The following TNFSF13B variants were observed in gnomAD, a reference collection of about 807,000 sequenced individuals.
TNFSF13B encodes the protein tumor necrosis factor ligand superfamily member 13B.
TNFSF13B carries 8 observed loss-of-function variants against 29.1 expected under a neutral mutation model. The ratio of observed to expected loss-of-function variants is 0.27; its 90% confidence interval spans 0.16 to 0.50. The LOEUF (loss-of-function observed/expected upper bound fraction) is 0.50. Ranked by LOEUF, TNFSF13B falls within the 20% of genes least tolerant of loss-of-function variation. The pLI is 0.98. For synonymous variants in TNFSF13B, 125 were observed against 130.8 expected (o/e 0.96, Z 0.30); for missense variants, 248 against 334.9 (o/e 0.74, Z 2.03).
intron 3 of TNFSF13B, among the ~76,000 whole-genome samples, chr13:108,288,022 G>A (rs1881193388): frequency 6.6e-6 from 1 of 152,144 alleles, no homozygotes; most frequent in Non-Finnish European, 1.5e-5. Flanking sequence ...AGGCACATTA[G>A]CAAGTTATTG....
rs577464265 is a variant in TNFSF13B at position 108,306,339 on chromosome 13, T to C, written c.746-487T>C. Among the ~76,000 whole-genome samples, 73 of 152,170 alleles carry C rather than the reference T, an allele frequency of 4.8e-4. 1 individual carries two copies. Among genetic ancestry groups the C allele is most frequent in the Admixed American group, 2.2e-3 (34 of 15,264 alleles). ...TTAATGAATGTGGTATGTTAAGAAA[T>C]GGTGTTTTCTTCAGTTTTTAATATT... On this transcript the variant is annotated intron_variant, in intron 5 of 5. Transcript: ENST00000375887.
At chr13:108,292,662 G>T (rs1177267499) in intron 3 of TNFSF13B, among the ~76,000 whole-genome samples, 1 of 151,916 alleles carries the variant, frequency 6.6e-6, no homozygotes, top group East Asian at 1.9e-4. Context: ...TTATTTATTT[G>T]CATTTTCCTT....
In TNFSF13B at chr13:108,269,812, CAACA is replaced by C; in HGVS notation, c.-79_-76del. Reference sequence around the variant, plus strand: ...CTGCCATGTAGTGCACGCAGGACATCAACAAACACAGATAACAGGAAATGATCCA... The same window carrying C: ...CTGCCATGTAGTGCACGCAGGACATCAACACAGATAACAGGAAATGATCCA... On this transcript the variant is annotated 5_prime_UTR_variant, in exon 1 of 6. Transcript: ENST00000375887. The C allele has an allele frequency of 7.6e-7, 1 of 1,322,026 alleles. No individual in the cohort carries two copies. Among genetic ancestry groups the C allele is most frequent in the Non-Finnish European group, 1.0e-6 (1 of 961,950 alleles). 81.9% of individuals were successfully genotyped at this position (1,322,026 alleles called of 1,614,324 possible).
chr13:108,292,856 TCTC>T (rs1479478380), intron 3 of TNFSF13B, among the ~76,000 whole-genome samples: 1 of 152,202 alleles, frequency 6.6e-6, no homozygotes, highest in African/African-American at 2.4e-5. Context: ...GCAAGTATTT[TCTC>T]CTCTTTTGTG....
intron 5 of TNFSF13B, 62 bp downstream of exon 5, chr13:108,303,666 AGCT>A: frequency 6.5e-7 from 1 of 1,532,770 alleles, no homozygotes; most frequent in African/African-American, 1.4e-5. Flanking sequence ...GAAAAATCTG[AGCT>A]GCAAAATGCA....
intron 2 of TNFSF13B, among the ~76,000 whole-genome samples, chr13:108,286,090 A>T (rs1329710437): frequency 2.0e-5 from 3 of 152,190 alleles, no homozygotes; most frequent in Non-Finnish European, 4.4e-5. Context: ...CTTCCATTTT[A>T]TTTGTAAAAG....
At position 108,298,834 on chromosome 13, in the gene TNFSF13B, A is replaced by G. The variant is rs901118518; in HGVS notation, c.482-4419A>G. ...AAAAATACAAAACTTAGCCCGGCGT[A>G]GTGGCACTTGCCTGTAGTCGCAGCT... On this transcript the variant is annotated intron_variant, in intron 3 of 5. Transcript: ENST00000375887. Among the ~76,000 whole-genome samples the G allele has an allele frequency of 6.9e-5, 10 of 145,112 alleles. 1 individual carries two copies. Among genetic ancestry groups the G allele is most frequent in the African/African-American group, 2.6e-4 (10 of 38,534 alleles).
chr13:108,270,000 A>G lies in TNFSF13B; in HGVS notation c.105A>G (p.Glu35=), dbSNP rs758866307. The change falls in exon 1 of 6, where the codon GAA becomes GAG. Residue 35 remains glutamate (E), a synonymous_variant. Coordinates refer to ENST00000375887, the MANE Select transcript of TNFSF13B (RefSeq NM_006573.5). ...KECVSILPRK[E]SPSVRSSKDG... ...GTGTTTCCATCCTCCCACGGAAGGAAAGCCCCTCTGTCCGATCCTCCAAAG... is the reference window on the plus strand; with the variant it reads ...GTGTTTCCATCCTCCCACGGAAGGAGAGCCCCTCTGTCCGATCCTCCAAAG... 1.2e-6 allele frequency: 2 copies of G among 1,613,412 alleles called. No individual in the cohort carries two copies. The highest frequency in any genetic ancestry group is 1.7e-6 in the Non-Finnish European group (2 of 1,180,008).
Position 108,303,362 on chromosome 13 carries a change from T to C in TNFSF13B, c.591T>C (p.Gly197=). Reference sequence around the variant, plus strand: ...AAACTGGTTACTTTTTTATATATGGTCAGGTAGGTTGAAACCCTAATTCTG... The same window carrying C: ...AAACTGGTTACTTTTTTATATATGGCCAGGTAGGTTGAAACCCTAATTCTG... The part of the protein sequence containing the change: ...VKETGYFFIY[G]QVLYTDKTYA... Residue 197 remains glycine, a synonymous_variant, in exon 4 of 6, where the codon GGT becomes GGC. Transcript: ENST00000375887. 1 of 1,611,938 alleles carries C rather than the reference T, an allele frequency of 6.2e-7. No homozygotes were observed. The highest frequency in any genetic ancestry group is 1.1e-5 in the South Asian group (1 of 90,822).
chr13:108,275,579 C>T (rs1265627141), intron 2 of TNFSF13B, among the ~76,000 whole-genome samples: 5 of 151,708 alleles, frequency 3.3e-5, no homozygotes, highest in African/African-American at 7.3e-5. Context: ...AAAAATTGTC[C>T]GTATTTCACC....
chr13:108,302,387 A>C lies in TNFSF13B; in HGVS notation c.482-866A>C, dbSNP rs568458092. On this transcript the variant is annotated intron_variant, in intron 3 of 5. Transcript: ENST00000375887. ...TAATTTATACTCCCCAAATTTCCCAATCTCCAGCCTTAGGGCTCACCCTTT... is the reference window on the plus strand; with the variant it reads ...TAATTTATACTCCCCAAATTTCCCACTCTCCAGCCTTAGGGCTCACCCTTT... 3.6e-3 allele frequency among the ~76,000 whole-genome samples: 541 copies of C among 152,258 alleles called. 8 individuals are homozygous for C. The highest frequency in any genetic ancestry group is 0.012 in the African/African-American group (519 of 41,560).
chr13:108,272,281 T>C (rs571595838), intron 2 of TNFSF13B, among the ~76,000 whole-genome samples: 1 of 152,268 alleles, frequency 6.6e-6, no homozygotes, highest in East Asian at 1.9e-4. Context: ...TCTTCCTAAT[T>C]AGACATATTG....
intron 2 of TNFSF13B, among the ~76,000 whole-genome samples, chr13:108,276,119 G>T (rs976350074): frequency 6.6e-6 from 1 of 152,168 alleles, no homozygotes; most frequent in Non-Finnish European, 1.5e-5. Flanking sequence ...TTCTGGCTTA[G>T]CTGTGAGTTC....
At chr13:108,286,354 A>AT (rs541816471) in intron 2 of TNFSF13B, among the ~76,000 whole-genome samples, 3,753 of 147,314 alleles carry the variant, frequency 0.025, 61 homozygotes, top group Middle Eastern at 0.042. Flanking sequence ...ACGTATTAGC[A>AT]TTTTTTTTTT....
intron 1 of TNFSF13B, 44 bp downstream of exon 1, chr13:108,270,278 C>A (rs1880573921): frequency 6.2e-7 from 1 of 1,612,610 alleles, no homozygotes; most frequent in South Asian, 1.1e-5. Flanking sequence ...ATCCTGCCTA[C>A]ACTGCTGCCT....
rs1881820920 is a variant in TNFSF13B at position 108,307,781 on chromosome 13, C to T, written c.*843C>T. The T allele has an allele frequency of 6.6e-6, 1 of 152,054 alleles. No individual in the cohort carries two copies. The allele number at this position is 152,054 out of a possible 1,614,324, so 9.4% of individuals were successfully genotyped here. On this transcript the variant is annotated 3_prime_UTR_variant, in exon 6 of 6. Transcript: ENST00000375887. ...TCCAACAGAAGTTACTGAATACATTCATACTAATGTAATGTAATTTCCCTT... is the reference window on the plus strand; with the variant it reads ...TCCAACAGAAGTTACTGAATACATTTATACTAATGTAATGTAATTTCCCTT...
upstream of TNFSF13B, chr13:108,269,685 G>A (rs1465423333): frequency 1.4e-5 from 7 of 489,666 alleles, no homozygotes; most frequent in African/African-American, 2.0e-5. Flanking sequence ...CAATCCAATC[G>A]GAGGGTAAAT....
At chr13:108,273,817 G>A (rs2139040635) in intron 2 of TNFSF13B, among the ~76,000 whole-genome samples, 1 of 152,260 alleles carries the variant, frequency 6.6e-6, no homozygotes, top group South Asian at 2.1e-4. Context: ...CTCCCAGGAA[G>A]CAAAGAAGAG....
At chr13:108,273,175 G>A (rs1303115705) in intron 2 of TNFSF13B, among the ~76,000 whole-genome samples, 10 of 151,830 alleles carry the variant, frequency 6.6e-5, no homozygotes, top group Non-Finnish European at 1.5e-4. Context: ...GGTATATATT[G>A]CACACAGTTG....
Sources: allele counts gnomAD v4.1 joint callset (sites outside exome capture counted in the v4.1 genomes callset), GRCh38; gene constraint gnomAD v4.1.1; transcripts MANE v1.5; gene names NCBI Gene and HGNC (gene_info 2026-07-23, HGNC 2026-07-21).